The following MUC5B variants were observed in gnomAD, a reference collection of about 807,000 sequenced individuals.
The protein encoded by MUC5B is mucin 5B, oligomeric mucus/gel-forming.
MUC5B carries 116 observed loss-of-function variants against 376.9 expected under a neutral mutation model. That is an observed-to-expected ratio of 0.31 (90% CI 0.26 to 0.36). MUC5B has a LOEUF of 0.36. MUC5B is among the 10% of genes least tolerant of loss of function. The probability of loss-of-function intolerance (pLI) is 1.00; values close to 1 mark genes in which losing one functional copy is unlikely to be tolerated. For synonymous variants in MUC5B, 3,517 were observed against 3,390.9 expected, an observed-to-expected ratio of 1.04 and a Z score of -1.29; for missense variants, 7,165 against 7,769.9, an observed-to-expected ratio of 0.92 and a Z score of 2.93.
intron 1 of MUC5B, 143 bp from the exon 2 acceptor site, chr11:1,225,538 G>A (rs1861859415): frequency 2.8e-6 from 2 of 721,588 alleles, no homozygotes; most frequent in Non-Finnish European, 2.3e-6. Context: ...TGTGTCGTGA[G>A]GGTGAACCTG....
chr11:1,252,635 G>T, intron 32 of MUC5B, 111 bp downstream of exon 32: 1 of 1,375,584 alleles, frequency 7.3e-7, no homozygotes. Context: ...CCCGCCGCCA[G>T]TATCTCCAGT....
chr11:1,248,054 C>G lies in MUC5B; in HGVS notation c.11174C>G (p.Pro3725Arg). 6.2e-7 allele frequency: 1 copy of G among 1,605,764 alleles called. No individual in the cohort carries two copies. The change falls in exon 31 of 49, where the codon CCG becomes CGG. Residue 3725 changes from proline (P) to arginine (R), a missense_variant. Physicochemically the swap from Pro to Arg is moderately radical, Grantham distance 103. This residue lies in a region of MUC5B where 90 missense variants were observed against 71.1 expected (regional missense o/e 1.27). Transcript: ENST00000529681. ...GGGACCACCTGGATCCTCACAGAGCCGAGCACTACAGCCACCGTGACGGTG... is the reference window on the plus strand; with the variant it reads ...GGGACCACCTGGATCCTCACAGAGCGGAGCACTACAGCCACCGTGACGGTG... ...TPGTTWILTE[P>R]STTATVTVPT...
At position 1,245,609 on chromosome 11, in the gene MUC5B, A is replaced by T; in HGVS notation, c.8729A>T (p.Glu2910Val). 1 of 1,589,772 alleles carries T rather than the reference A, an allele frequency of 6.3e-7. No individual in the cohort carries two copies. ...CGTGCGGCCGGAGGGGCCGTCTGTG[A>T]GCAGCCCCTGGGCCTCGAGTGCCGT... Reference protein sequence around the residue: ...NIRAAGGAVCEQPLGLECRAQ... With the variant: ...NIRAAGGAVCVQPLGLECRAQ... The change falls in exon 31 of 49, where the codon GAG becomes GTG. Residue 2910 changes from glutamate (E) to valine (V), a missense_variant. Physicochemically the swap from Glu to Val is moderately radical, Grantham distance 121 (BLOSUM62 -2). This residue lies in a region of MUC5B where 57 missense variants were observed against 167.2 expected (regional missense o/e 0.34). Transcript: ENST00000529681.
In MUC5B at chr11:1,242,766, A is replaced by G; in HGVS notation, c.5886A>G (p.Ala1962=). The G allele has an allele frequency of 6.2e-7, 1 of 1,611,900 alleles. No individual in the cohort carries two copies. The highest frequency in any genetic ancestry group is 8.5e-7 in the Non-Finnish European group (1 of 1,179,212). ...CTCCCTCCTCCAGTCCAGGGACTGC[A>G]ACCGCCCTTCCAGCACTGAGAAGCA... ...KATPSSSPGT[A]TALPALRSTA... Residue 1962 remains alanine, a synonymous_variant, in exon 31 of 49, where the codon GCA becomes GCG. Coordinates refer to ENST00000529681, the MANE Select transcript of MUC5B (RefSeq NM_002458.3).
rs1590172798 is a variant in MUC5B, at chr11:1,235,315, G to A, written c.2782G>A (p.Asp928Asn). The A allele has an allele frequency of 1.2e-6, 2 of 1,612,872 alleles. No individual in the cohort carries two copies. Among genetic ancestry groups the A allele is most frequent in the Non-Finnish European group, 1.7e-6 (2 of 1,179,690 alleles). Residue 928 changes from aspartate (D) to asparagine (N), a missense_variant, in exon 23 of 49, where the codon GAC becomes AAC. Asp to Asn is a conservative substitution (Grantham distance 23). Coordinates refer to ENST00000529681, the MANE Select transcript of MUC5B (RefSeq NM_002458.3). ...EYILAQDYCG[D>N]NTTHGTFRIV... ...CTTTCTGGCCCAGGACTACTGTGGG[G>A]ACAACACCACCCACGGGACCTTCCG...
Position 1,243,080 on chromosome 11 carries a change from C to A in MUC5B, c.6200C>A (p.Pro2067Gln). The A allele has an allele frequency of 6.2e-7, 1 of 1,612,170 alleles. No homozygotes were observed. Among genetic ancestry groups the A allele is most frequent in the South Asian group, 1.1e-5 (1 of 91,042 alleles). ...TGFTATPSSSPGTALTPPVWI... is the reference protein window; with the variant it reads ...TGFTATPSSSQGTALTPPVWI... ...TTCACAGCCACCCCCTCCTCCAGCCCAGGGACGGCACTCACGCCTCCAGTG... is the reference window on the plus strand; with the variant it reads ...TTCACAGCCACCCCCTCCTCCAGCCAAGGGACGGCACTCACGCCTCCAGTG... The change falls in exon 31 of 49, where the codon CCA becomes CAA. Residue 2067 changes from proline (P) to glutamine (Q), a missense_variant. Pro to Gln is a moderately conservative substitution (Grantham distance 76). Transcript: ENST00000529681.
At chr11:1,256,032 T>G (rs1373064654) in intron 37 of MUC5B, 124 bp from the exon 38 acceptor site, 1 of 550,426 alleles carries the variant, frequency 1.8e-6, no homozygotes, top group African/African-American at 2.2e-5. Context: ...TCCTGTGCGG[T>G]GAGTGGGGGC....
intron 1 of MUC5B, 131 bp from the exon 2 acceptor site, chr11:1,225,550 A>C (rs931330177): frequency 1.0e-5 from 8 of 771,472 alleles, no homozygotes; most frequent in Admixed American, 2.5e-5. Context: ...GTGAACCTGC[A>C]GGGCATGGAG....
chr11:1,242,862 C>A lies in MUC5B; in HGVS notation c.5982C>A (p.Arg1994=), dbSNP rs760070553. The change falls in exon 31 of 49, where the codon CGC becomes CGA. Residue 1994 remains arginine (R), a synonymous_variant. Coordinates refer to ENST00000529681, the MANE Select transcript of MUC5B (RefSeq NM_002458.3). ...PSSSLGTTWT[R]LSQTTTPTAT... ...CCTCCCTGGGCACCACCTGGACCCGCCTATCACAGACCACCACACCCACGG... is the reference window on the plus strand; with the variant it reads ...CCTCCCTGGGCACCACCTGGACCCGACTATCACAGACCACCACACCCACGG... 1 of 1,613,546 alleles carries A rather than the reference C, an allele frequency of 6.2e-7. No homozygotes were observed. Among genetic ancestry groups the A allele is most frequent in the East Asian group, 2.2e-5 (1 of 44,868 alleles).
At chr11:1,236,850 G>A (rs1862168583) in intron 24 of MUC5B, 75 bp from the exon 25 acceptor site, 2 of 1,391,376 alleles carry the variant, frequency 1.4e-6, no homozygotes, top group East Asian at 2.7e-5. Context: ...TGGAGCCCAG[G>A]GTGGGCTCTG....
At position 1,229,160 on chromosome 11, in the gene MUC5B, T is replaced by G. The variant is rs371072979; in HGVS notation, c.977-10T>G. 1 of 1,580,372 alleles carries G rather than the reference T, an allele frequency of 6.3e-7. No individual in the cohort carries two copies. The highest frequency in any genetic ancestry group is 1.3e-5 in the African/African-American group (1 of 74,372). The stretch of plus-strand genomic sequence containing the variant: ...CTTCCCCTGGCCCAGCCCCACCTCC[T>G]TTTGCGCAGCCCGGACCTGCCCCCT... On this transcript the variant is annotated splice_polypyrimidine_tract_variant and intron_variant, in intron 8 of 48. Transcript: ENST00000529681.
In MUC5B at chr11:1,257,005, G is replaced by C. The variant is rs1862855723; in HGVS notation, c.16237+234G>C. ...CTCTGTCCTTGAGTGATCCTGTGAT[G>C]GTCCCTCCCCTGAGCCCTGCCTCCC... On this transcript the variant is annotated intron_variant, in intron 39 of 48. Coordinates refer to ENST00000529681, the MANE Select transcript of MUC5B (RefSeq NM_002458.3). This position sits in a 1 kb window ranked among gnomAD's most constrained non-coding sequence, Gnocchi z 8.9. 6.6e-6 allele frequency among the ~76,000 whole-genome samples: 1 copy of C among 152,112 alleles called. No individual in the cohort carries two copies. Among genetic ancestry groups the C allele is most frequent in the Non-Finnish European group, 1.5e-5 (1 of 68,016 alleles).
At position 1,240,975 on chromosome 11, in the gene MUC5B, G is replaced by A. The variant is rs1379234416; in HGVS notation, c.4095G>A (p.Arg1365=). Residue 1365 remains arginine, a synonymous_variant, in exon 31 of 49, where the codon AGG becomes AGA. Coordinates refer to ENST00000529681, the MANE Select transcript of MUC5B (RefSeq NM_002458.3). ...ACTTTGAGACGTTTGAAAACCTGAGGCAGAGAGGGTACCAGGTATGCCCTG... is the reference window on the plus strand; with the variant it reads ...ACTTTGAGACGTTTGAAAACCTGAGACAGAGAGGGTACCAGGTATGCCCTG... ...GGDFETFENL[R]QRGYQVCPVL... is the part of the protein sequence containing the mutation. 6.2e-7 allele frequency: 1 copy of A among 1,613,456 alleles called. No homozygotes were observed. The highest frequency in any genetic ancestry group is 1.7e-5 in the Admixed American group (1 of 60,030).
rs752427239 is a variant in MUC5B at position 1,236,960 on chromosome 11, C to A, written c.3093C>A (p.Asp1031Glu). 4 of 1,523,092 alleles carry A rather than the reference C, an allele frequency of 2.6e-6. No homozygotes were observed. Among genetic ancestry groups the A allele is most frequent in the Non-Finnish European group, 3.5e-6 (4 of 1,131,500 alleles). The allele number at this position is 1,523,092 out of a possible 1,614,324, so 94.3% of individuals were successfully genotyped here. ...GCGGCCTGTGCGGGAACTTCGACGA[C>A]AATGCCATCAATGACTTTGCCACGC... ...RVCGLCGNFD[D>E]NAINDFATRS... Residue 1031 changes from aspartate (D) to glutamate (E), a missense_variant, in exon 25 of 49, where the codon GAC becomes GAA. Around this residue, in one of 31 missense-constraint regions of MUC5B, gnomAD observed 143 missense variants for 193.2 expected, o/e 0.74. Coordinates refer to ENST00000529681, the MANE Select transcript of MUC5B (RefSeq NM_002458.3).
At position 1,250,041 on chromosome 11, in the gene MUC5B, G is replaced by A; in HGVS notation, c.13161G>A (p.Gly4387=). The A allele has an allele frequency of 1.2e-6, 2 of 1,610,962 alleles. No individual in the cohort carries two copies. Among genetic ancestry groups the A allele is most frequent in the African/African-American group, 1.3e-5 (1 of 74,534 alleles). ...CGTCCACCCCCTCCTCCACTCCGGG[G>A]ACGACCTGGATCCTCACAGAGCTGA... ...SSTSTPSSTP[G]TTWILTELTT... is the part of the protein sequence containing the mutation. Residue 4387 remains glycine, a synonymous_variant, in exon 31 of 49, where the codon GGG becomes GGA. Transcript: ENST00000529681.
At position 1,250,993 on chromosome 11, in the gene MUC5B, A is replaced by G. The variant is rs1862668878; in HGVS notation, c.14113A>G (p.Ile4705Val). 5.6e-6 allele frequency: 9 copies of G among 1,610,776 alleles called. No individual in the cohort carries two copies. The highest frequency in any genetic ancestry group is 7.6e-6 in the Non-Finnish European group (9 of 1,178,118). ...CTCCTCAACTCCAGGGACAACACCC[A>G]TCACCCCAGTGCTGACCAGCACGGC... ...NPSSTPGTTP[I>V]TPVLTSTATT... The change falls in exon 31 of 49, where the codon ATC (isoleucine) becomes GTC (valine). Residue 4705 changes from isoleucine (I) to valine (V), a missense_variant. Physicochemically the swap from Ile to Val is conservative, Grantham distance 29. Transcript: ENST00000529681.
At chr11:1,229,878 C>A in intron 10 of MUC5B, 71 bp downstream of exon 10, 1 of 1,548,112 alleles carries the variant, frequency 6.5e-7, no homozygotes, top group Non-Finnish European at 8.7e-7. Flanking sequence ...ACCCGCCAGC[C>A]TCTGCCTGGG....
intron 7 of MUC5B, among the ~76,000 whole-genome samples, chr11:1,228,215 G>A (rs987476552): frequency 2.6e-5 from 4 of 152,206 alleles, no homozygotes; most frequent in South Asian, 4.1e-4. Context: ...GCCTGGGGAC[G>A]GAGGACACTC....
Position 1,260,037 on chromosome 11 carries a change from T to C in MUC5B, c.16875T>C (p.His5625=). 6.2e-7 allele frequency: 1 copy of C among 1,612,730 alleles called. No homozygotes were observed. Among genetic ancestry groups the C allele is most frequent in the East Asian group, 2.2e-5 (1 of 44,876 alleles). ...TCTGTGAGGCTGAGGGTGGAGTCCA[T>C]TTGCTGACCCCACAGCCTGCATCCT... ...VYLCEAEGGV[H]LLTPQPASCP... is the part of the protein sequence containing the mutation. Residue 5625 remains histidine (H), a synonymous_variant, in exon 46 of 49, where the codon CAT becomes CAC. Coordinates refer to ENST00000529681, the MANE Select transcript of MUC5B (RefSeq NM_002458.3).
Sources: allele counts gnomAD v4.1 joint callset (sites outside exome capture counted in the v4.1 genomes callset), GRCh38; gene constraint gnomAD v4.1.1; regional missense constraint gnomAD v4.1.1; non-coding constraint Gnocchi (gnomAD v3.1); transcripts MANE v1.5; gene names NCBI Gene and HGNC (gene_info 2026-07-23, HGNC 2026-07-21).